Variants in IGBP1 observed in about 807,000 individuals in gnomAD.
IGBP1 encodes immunoglobulin-binding protein 1.
IGBP1 carries 2 observed loss-of-function variants against 25.9 expected under a neutral mutation model. The observed-to-expected ratio is 0.08, with a 90% CI of 0.03 to 0.24. The LOEUF is 0.24. Ranked by LOEUF, IGBP1 falls within the 10% of genes least tolerant of loss-of-function variation. IGBP1 has a pLI of 1.00. For missense variants in IGBP1, 187 were observed against 260.4 expected (o/e 0.72, Z 1.94); for synonymous variants, 96 against 93.4 (o/e 1.03, Z -0.16).
rs1264251037 is a variant in IGBP1 at position 70,166,154 on chromosome X, A to G, written c.*173A>G. On this transcript the variant is annotated 3_prime_UTR_variant, in exon 7 of 7. Coordinates refer to ENST00000356413, the MANE Select transcript of IGBP1 (RefSeq NM_001551.3). ...GTGATTAAGTGTGTATTTGTACCCT[A>G]GATGATATGAACCAGCAGTCTTGTT... 2 of 450,310 alleles carry G rather than the reference A, an allele frequency of 4.4e-6. No individual in the cohort carries two copies. Among genetic ancestry groups the G allele is most frequent in the African/African-American group, 4.9e-5 (2 of 40,699 alleles). The allele number at this position is 450,310 out of a possible 1,213,427, so 37.1% of individuals were successfully genotyped here.
intron 6 of IGBP1, among the ~76,000 whole-genome samples, chrX:70,155,500 A>AC (rs1421188818): frequency 1.8e-5 from 2 of 108,293 alleles, no homozygotes; most frequent in African/African-American, 3.4e-5. Flanking sequence ...GTCTCAAAAA[A>AC]AAAAAAAAAA....
intron 3 of IGBP1, among the ~76,000 whole-genome samples, chrX:70,144,954 G>A (rs189219635): frequency 2.7e-4 from 29 of 108,406 alleles, no homozygotes; most frequent in Admixed American, 2.5e-3. Context: ...CACTGTGCCC[G>A]GCCGGTTCTT....
chrX:70,138,966 C>T (rs1296734530), intron 3 of IGBP1, among the ~76,000 whole-genome samples: 2 of 111,920 alleles, frequency 1.8e-5, no homozygotes, highest in African/African-American at 6.5e-5. Context: ...AAAAGTGTTG[C>T]TTTCTACAAT....
chrX:70,149,653 C>CA (rs59363387), intron 5 of IGBP1: 39 of 65,466 alleles, frequency 6.0e-4, no homozygotes, highest in South Asian at 2.3e-3. Flanking sequence ...GACTCCATCT[C>CA]AAAAAAAAAA....
At chrX:70,153,124 A>G (rs1427416443) in intron 6 of IGBP1, among the ~76,000 whole-genome samples, 1 of 112,448 alleles carries the variant, frequency 8.9e-6, no homozygotes, top group Non-Finnish European at 1.9e-5. Context: ...CTGAATTTCC[A>G]TTAAAAACTG....
chrX:70,164,204 T>C (rs1272778982), intron 6 of IGBP1: 1 of 110,816 alleles, frequency 9.0e-6, no homozygotes, highest in African/African-American at 3.3e-5. Context: ...GCACCACTGC[T>C]CTCCAGCCTG....
At chrX:70,137,371 G>A (rs924442235) in intron 3 of IGBP1, among the ~76,000 whole-genome samples, 1 of 111,474 alleles carries the variant, frequency 9.0e-6, no homozygotes, top group African/African-American at 3.3e-5. Flanking sequence ...GTGCCTAGGA[G>A]ATAAGTAGAG....
At chrX:70,136,384 AT>A (rs1314735125) in intron 3 of IGBP1, among the ~76,000 whole-genome samples, 2 of 111,952 alleles carry the variant, frequency 1.8e-5, no homozygotes, top group African/African-American at 6.5e-5. Flanking sequence ...GTAGGCTAAT[AT>A]AAGTGTTCTG....
intron 6 of IGBP1, among the ~76,000 whole-genome samples, chrX:70,156,321 G>A (rs1169747761): frequency 2.0e-5 from 2 of 100,870 alleles, no homozygotes; most frequent in Non-Finnish European, 2.0e-5. Context: ...TCTCTGCAAA[G>A]CACAATAGAG....
chrX:70,157,668 A>G (rs1275999882), intron 6 of IGBP1, among the ~76,000 whole-genome samples: 1 of 112,577 alleles, frequency 8.9e-6, no homozygotes, highest in Admixed American at 9.4e-5. Context: ...GCAAAAGAGT[A>G]TATACTGTAT....
intron 3 of IGBP1, among the ~76,000 whole-genome samples, chrX:70,139,311 C>CA (rs775830617): frequency 0.1 from 4,027 of 39,014 alleles, 125 homozygotes; most frequent in Middle Eastern, 0.19. Flanking sequence ...GACTCCGTCT[C>CA]AAAAAAAAAA....
At chrX:70,151,707 G>T (rs141472956) in intron 6 of IGBP1, among the ~76,000 whole-genome samples, 1 of 110,577 alleles carries the variant, frequency 9.0e-6, no homozygotes, top group South Asian at 4.0e-4. Flanking sequence ...GCGAAACCCC[G>T]TCGCTACCAA....
chrX:70,154,150 C>T lies in IGBP1; in HGVS notation c.871+3828C>T, dbSNP rs771701331. ...TCGGCTCACTGCAAGCTCCGCCTCC[C>T]GGGTTCACGCCATTCACGCCATTCT... On this transcript the variant is annotated intron_variant, in intron 6 of 6. Coordinates refer to ENST00000356413, the MANE Select transcript of IGBP1 (RefSeq NM_001551.3). Among the ~76,000 whole-genome samples the T allele has an allele frequency of 1.7e-4, 18 of 106,448 alleles. No homozygotes were observed. In the East Asian group the frequency reaches 5.1e-3, roughly 30 times the overall value. The allele number at this position is 106,448 out of a possible 115,157, so 92.4% of individuals were successfully genotyped here.
chrX:70,153,066 A>G lies in IGBP1; in HGVS notation c.871+2744A>G, dbSNP rs1344043728. Among the ~76,000 whole-genome samples, 64 of 112,315 alleles carry G rather than the reference A, an allele frequency of 5.7e-4. No homozygotes were observed. In the Admixed American group the frequency reaches 6.1e-3, roughly 11 times the overall value. On this transcript the variant is annotated intron_variant, in intron 6 of 6. Coordinates refer to ENST00000356413, the MANE Select transcript of IGBP1 (RefSeq NM_001551.3). ...AAAGAGGAAATTTTGAAATCATCCA[A>G]AGATAAAGTACACATTACACATAGG...
At chrX:70,146,397 T>G (rs2085166835) in intron 3 of IGBP1, among the ~76,000 whole-genome samples, 1 of 110,128 alleles carries the variant, frequency 9.1e-6, no homozygotes, top group Admixed American at 9.8e-5. Flanking sequence ...ATCCGGTTAC[T>G]TCTGTATTTT....
At chrX:70,151,909 T>C (rs903321950) in intron 6 of IGBP1, among the ~76,000 whole-genome samples, 2 of 111,331 alleles carry the variant, frequency 1.8e-5, no homozygotes, top group Non-Finnish European at 3.8e-5. Context: ...AAGTAGTCAC[T>C]GGGAGCTGAC....
chrX:70,143,376 A>G (rs922461304), intron 3 of IGBP1, among the ~76,000 whole-genome samples: 3 of 112,420 alleles, frequency 2.7e-5, no homozygotes, highest in African/African-American at 3.2e-5. Context: ...TGAATTCTAC[A>G]TTGGCTGGCC....
chrX:70,156,651 C>T (rs772236237), intron 6 of IGBP1, among the ~76,000 whole-genome samples: 3 of 112,345 alleles, frequency 2.7e-5, no homozygotes, highest in Admixed American at 9.4e-5. Context: ...TGGTGACTAT[C>T]GTTAATGGCT....
At chrX:70,137,857 G>A (rs1386499035) in intron 3 of IGBP1, among the ~76,000 whole-genome samples, 2 of 109,451 alleles carry the variant, frequency 1.8e-5, no homozygotes, top group Non-Finnish European at 3.8e-5. Flanking sequence ...TTGACACCAG[G>A]CGCGGTGGCT....
Sources: gnomAD v4.1 joint callset for allele counts (sites outside exome capture counted in the v4.1 genomes callset) on GRCh38, gnomAD v4.1.1 for gene constraint, MANE v1.5 for transcripts, NCBI Gene and HGNC (gene_info 2026-07-23, HGNC 2026-07-21) for gene names.